MCM6: variants seen among roughly 807,000 people sequenced by gnomAD.
The protein encoded by MCM6 is DNA replication licensing factor MCM6.
In MCM6, 46 loss-of-function variants were observed where a neutral mutation model predicts 94.3. The observed-to-expected ratio is 0.49, with a 90% CI of 0.39 to 0.62. The LOEUF (loss-of-function observed/expected upper bound fraction) is 0.62, where lower values mean the gene tolerates loss of function less well. MCM6 is among the 20% of genes least tolerant of loss of function. The pLI, the probability that MCM6 is intolerant of heterozygous loss-of-function variation, is 0.00. For missense variants in MCM6, 865 were observed against 1,017.9 expected (o/e 0.85, Z 2.04); for synonymous variants, 335 against 351.9 (o/e 0.95, Z 0.54).
In MCM6 at chr2:135,848,065, C is replaced by A. The variant is rs376497941; in HGVS notation, c.2041G>T (p.Gly681Cys). ...ACAAGTATCTCACCATTGATGCCAC[C>A]AGCACCCTCATCTACCTCCATCTGG... ...EIQMEVDEGA[G>C]GINGHADSPA... Residue 681 changes from glycine to cysteine, a missense_variant, in exon 14 of 17, where the codon GGT (glycine) becomes TGT (cysteine). Coordinates refer to ENST00000264156, the MANE Select transcript of MCM6 (RefSeq NM_005915.6). The A allele has an allele frequency of 3.2e-5, 52 of 1,610,574 alleles. No individual in the cohort carries two copies. The highest frequency in any genetic ancestry group is 4.4e-5 in the Non-Finnish European group (52 of 1,177,232).
chr2:135,874,961 T>C (rs1032408657), intron 1 of MCM6, among the ~76,000 whole-genome samples: 3 of 152,308 alleles, frequency 2.0e-5, no homozygotes, highest in South Asian at 4.1e-4. Context: ...ATGAGGTACC[T>C]AGAGTGGTCA....
chr2:135,857,858 T>C (rs1467174714), intron 10 of MCM6, 39 bp downstream of exon 10: 1 of 1,536,436 alleles, frequency 6.5e-7, no homozygotes, highest in Non-Finnish European at 9.0e-7. Flanking sequence ...TCAACAAGGC[T>C]ATGGACGATG....
chr2:135,860,064 A>G lies in MCM6; in HGVS notation c.1221-622T>C, dbSNP rs184373378. Among the ~76,000 whole-genome samples the G allele has an allele frequency of 9.0e-3, 1,364 of 152,192 alleles. 21 individuals are homozygous for G. Among genetic ancestry groups the G allele is most frequent in the African/African-American group, 0.031 (1,303 of 41,524 alleles). On this transcript the variant is annotated intron_variant, in intron 8 of 16. Coordinates refer to ENST00000264156, the MANE Select transcript of MCM6 (RefSeq NM_005915.6). The stretch of plus-strand genomic sequence containing the variant: ...GGTGATCCACCTACTTTGGCCTCCC[A>G]AAGTGCTGGGATTACAGGCGTGAGC...
intron 7 of MCM6, among the ~76,000 whole-genome samples, chr2:135,863,117 C>T (rs1229815816): frequency 1.3e-5 from 2 of 152,180 alleles, no homozygotes; most frequent in Non-Finnish European, 2.9e-5. Context: ...TTTGCTAGTC[C>T]TTTTTAATGC....
At chr2:135,843,738 A>AAAAAAAAC (rs1553437371) in intron 16 of MCM6, among the ~76,000 whole-genome samples, 2,960 of 143,928 alleles carry the variant, frequency 0.021, 102 homozygotes, top group African/African-American at 0.077. Context: ...CTCAAAAAAA[A>AAAAAAAAC]AAAAAAAAAA....
At chr2:135,846,081 T>A (rs1021205584) in intron 15 of MCM6, among the ~76,000 whole-genome samples, 156 bp downstream of exon 15, 3 of 152,172 alleles carry the variant, frequency 2.0e-5, no homozygotes, top group Non-Finnish European at 2.9e-5. Context: ...GCAGGTATGC[T>A]GATACTCCAC....
chr2:135,863,721 C>A (rs1680034848), intron 7 of MCM6, among the ~76,000 whole-genome samples: 1 of 100,822 alleles, frequency 9.9e-6, no homozygotes, highest in Non-Finnish European at 2.0e-5. Context: ...AGAGTAAGAC[C>A]CTAACAAAAC....
At chr2:135,849,874 T>C (rs1188475593) in intron 13 of MCM6, among the ~76,000 whole-genome samples, 7 of 152,178 alleles carry the variant, frequency 4.6e-5, no homozygotes, top group Non-Finnish European at 1.0e-4. Context: ...TTTTAATGGA[T>C]GAAGATTATG....
At chr2:135,857,741 T>C (rs1237713177) in intron 10 of MCM6, among the ~76,000 whole-genome samples, 156 bp downstream of exon 10, 1 of 152,242 alleles carries the variant, frequency 6.6e-6, no homozygotes, top group Non-Finnish European at 1.5e-5. Context: ...ACAACATTTA[T>C]AGTTTCAATA....
chr2:135,848,914 G>A (rs1215568467), intron 13 of MCM6, among the ~76,000 whole-genome samples: 2 of 151,678 alleles, frequency 1.3e-5, no homozygotes, highest in Non-Finnish European at 2.9e-5. Flanking sequence ...AAAACAACCA[G>A]CAATGAAACC....
chr2:135,861,240 T>G (rs4988198), intron 8 of MCM6, among the ~76,000 whole-genome samples: 4 of 152,296 alleles, frequency 2.6e-5, no homozygotes, highest in East Asian at 3.9e-4. Flanking sequence ...TGATGTAGTA[T>G]GAAGTACACA....
chr2:135,864,246 C>T (rs1161572251), intron 7 of MCM6, among the ~76,000 whole-genome samples: 4 of 152,164 alleles, frequency 2.6e-5, no homozygotes, highest in South Asian at 4.1e-4. Flanking sequence ...CTTCAAAACA[C>T]AGCTTGCAAC....
intron 11 of MCM6, among the ~76,000 whole-genome samples, chr2:135,853,177 T>C (rs1679808709): frequency 6.6e-6 from 1 of 152,212 alleles, no homozygotes; most frequent in African/African-American, 2.4e-5. Context: ...TAAAGTGCAG[T>C]GGCTCACACT....
rs746074108 is a variant in MCM6, at chr2:135,844,691, C to CA, written c.2210-8dup. 10 of 1,528,286 alleles carry CA rather than the reference C, an allele frequency of 6.5e-6. No individual in the cohort carries two copies. The highest frequency in any genetic ancestry group is 2.4e-5 in the East Asian group (1 of 41,490). 94.7% of individuals were successfully genotyped at this position (1,528,286 alleles called of 1,614,324 possible). ...AATGCTGACTCGTCCTCTTCTGCAA[C>CA]AAAAAAACACATTCAAATTATCCTA... On this transcript the variant is annotated splice_region_variant and splice_polypyrimidine_tract_variant and intron_variant, in intron 15 of 16. Coordinates refer to ENST00000264156, the MANE Select transcript of MCM6 (RefSeq NM_005915.6).
chr2:135,839,755 CATT>C lies in MCM6; in HGVS notation c.*1077_*1079del, dbSNP rs1485704754. 1.3e-5 allele frequency: 2 copies of C among 152,140 alleles called. No individual in the cohort carries two copies. The highest frequency in any genetic ancestry group is 3.8e-4 in the East Asian group (2 of 5,200). 9.4% of individuals were successfully genotyped at this position (152,140 alleles called of 1,614,324 possible). On this transcript the variant is annotated 3_prime_UTR_variant, in exon 17 of 17. Transcript: ENST00000264156. Reference sequence around the variant, plus strand: ...ATTATTGGGAGAAACATATTTAAATCATTGTTTTAACCTATATTAATCTGTCTT... The same window carrying C: ...ATTATTGGGAGAAACATATTTAAATCGTTTTAACCTATATTAATCTGTCTT...
chr2:135,865,155 C>T lies in MCM6; in HGVS notation c.936G>A (p.Gly312=), dbSNP rs752641611. The T allele has an allele frequency of 2.0e-6, 3 of 1,524,576 alleles. No homozygotes were observed. The highest frequency in any genetic ancestry group is 2.8e-5 in the African/African-American group (2 of 71,656). The allele number at this position is 1,524,576 out of a possible 1,614,324, so 94.4% of individuals were successfully genotyped here. ...TCTGTTCCTCATCTCTGAGCTCTTT[C>T]CCCCCAAACTAATGGTAGAGAACAA... ...CVAPTNPRFG[G]KELRDEEQTA... The change falls in exon 7 of 17, where the codon GGG becomes GGA. Residue 312 remains glycine (G), a synonymous_variant. Coordinates refer to ENST00000264156, the MANE Select transcript of MCM6 (RefSeq NM_005915.6).
intron 8 of MCM6, among the ~76,000 whole-genome samples, chr2:135,860,501 G>T (rs1303874913): frequency 1.3e-5 from 2 of 152,118 alleles, no homozygotes; most frequent in Admixed American, 1.3e-4. Context: ...AGAAGGTCTT[G>T]CAATTAAAAA....
At chr2:135,854,183 T>C (rs370574861) in intron 11 of MCM6, among the ~76,000 whole-genome samples, 1 of 151,584 alleles carries the variant, frequency 6.6e-6, no homozygotes, top group South Asian at 2.1e-4. Context: ...ACTGAGATCA[T>C]GCCACTGCAC....
Position 135,870,395 on chromosome 2 carries a change from G to A in MCM6, c.255-34C>T, listed in dbSNP as rs201135826. On this transcript the variant is annotated intron_variant, in intron 2 of 16. Coordinates refer to ENST00000264156, the MANE Select transcript of MCM6 (RefSeq NM_005915.6). ...CAAAAAAGTCAGCTGATACCTTAGA[G>A]GTTTACCAAGGCCTCCTTCCCTTTA... 774 of 1,437,714 alleles carry A rather than the reference G, an allele frequency of 5.4e-4. 1 individual carries two copies. Among genetic ancestry groups the A allele is most frequent in the East Asian group, 7.3e-4 (32 of 43,996 alleles). 89.1% of individuals were successfully genotyped at this position (1,437,714 alleles called of 1,614,324 possible). A position where few individuals can be genotyped will look rare whatever the true frequency, so the allele number is the denominator to read the frequency against.
Sources: gnomAD v4.1 joint callset for allele counts (sites outside exome capture counted in the v4.1 genomes callset) on GRCh38, gnomAD v4.1.1 for gene constraint, MANE v1.5 for transcripts, NCBI Gene and HGNC (gene_info 2026-07-23, HGNC 2026-07-21) for gene names.